The following LRIF1 variants were observed in gnomAD, a reference collection of about 807,000 sequenced individuals.
LRIF1 encodes ligand dependent nuclear receptor interacting factor 1.
In LRIF1, 32 loss-of-function variants were observed where a neutral mutation model predicts 52.7. The ratio of observed to expected loss-of-function variants is 0.61; its 90% CI spans 0.46 to 0.82. LRIF1 has a LOEUF of 0.82. LRIF1 is among the 40% of genes least tolerant of loss of function. The pLI is 0.00. For synonymous variants in LRIF1, 323 were observed against 317.4 expected (o/e 1.02, Z -0.19); for missense variants, 887 against 892.0 (o/e 0.99, Z 0.07).
At chr1:110,897,647 C>G in the LRIF1 span, 1 of 483,918 alleles carries the variant, frequency 2.1e-6, no homozygotes, top group Non-Finnish European at 3.7e-6. Flanking sequence ...TATTTCCCAC[C>G]TTATGCCTGT....
chr1:110,962,104 GTTGT>G (rs892532231), intron 1 of LRIF1, among the ~76,000 whole-genome samples: 6 of 129,794 alleles, frequency 4.6e-5, no homozygotes, highest in Admixed American at 2.3e-4. Flanking sequence ...ACAAAGTAAA[GTTGT>G]TTATCTTACT....
chr1:110,951,590 T>C lies in LRIF1; in HGVS notation c.1294A>G (p.Thr432Ala), dbSNP rs1249711372. The C allele has an allele frequency of 6.2e-7, 1 of 1,614,144 alleles. No homozygotes were observed. Among genetic ancestry groups the C allele is most frequent in the Non-Finnish European group, 8.5e-7 (1 of 1,180,018 alleles). The change falls in exon 2 of 4, where the codon ACC (threonine) becomes GCC (alanine). Residue 432 changes from threonine (T) to alanine (A), a missense_variant. Thr to Ala is a moderately conservative substitution (Grantham distance 58, BLOSUM62 0). Coordinates refer to ENST00000369763, the MANE Select transcript of LRIF1 (RefSeq NM_018372.4). ...SQMETKSLSN[T>A]QLASMANLRA... ...AGATTGGCCATGGAAGCAAGCTGGG[T>C]ATTGGAAAGTGATTTTGTCTCCATC...
chr1:110,923,157 G>GGGTGT, the LRIF1 span, among the ~76,000 whole-genome samples: 61 of 152,122 alleles, frequency 4.0e-4, no homozygotes, highest in African/African-American at 1.4e-3. Flanking sequence ...AAAATTAGCC[G>GGGTGT]GGTGTGGTGG....
At chr1:110,903,055 C>G in the LRIF1 span, among the ~76,000 whole-genome samples, 1 of 152,182 alleles carries the variant, frequency 6.6e-6, no homozygotes, top group African/African-American at 2.4e-5. Context: ...CTGGTGCCTG[C>G]CCATGGAGGG....
the LRIF1 span, among the ~76,000 whole-genome samples, chr1:110,908,786 A>G: frequency 6.6e-6 from 1 of 152,232 alleles, no homozygotes; most frequent in African/African-American, 2.4e-5. Context: ...AGAGATTGAG[A>G]GAGAGCAAGT....
chr1:110,943,231 G>A (rs1024943652), downstream of LRIF1, among the ~76,000 whole-genome samples: 3 of 152,152 alleles, frequency 2.0e-5, no homozygotes, highest in African/African-American at 4.8e-5. Context: ...AGCAGCTTTA[G>A]AATGCTCTTG....
At chr1:110,926,712 T>C in the LRIF1 span, among the ~76,000 whole-genome samples, 2 of 152,152 alleles carry the variant, frequency 1.3e-5, no homozygotes, top group Non-Finnish European at 2.9e-5. Context: ...CATTAATCTA[T>C]TGTTTCCATT....
chr1:110,925,126 T>C, the LRIF1 span, among the ~76,000 whole-genome samples: 3 of 152,206 alleles, frequency 2.0e-5, no homozygotes, highest in Non-Finnish European at 4.4e-5. Flanking sequence ...ATTCTTGATG[T>C]TTATGTGAAG....
chr1:110,963,861 C>G lies in LRIF1; in HGVS notation c.-173G>C. ...AGCGGGCTCTCGAGAGGGTGTATCC[C>G]CAGGCTTCGGGACGAGGTCGCGCAC... is the stretch of plus-strand genomic sequence containing the variant. On this transcript the variant is annotated 5_prime_UTR_variant, in exon 1 of 4. Coordinates refer to ENST00000369763, the MANE Select transcript of LRIF1 (RefSeq NM_018372.4). 2.0e-6 allele frequency: 1 copy of G among 502,548 alleles called. No individual in the cohort carries two copies. The highest frequency in any genetic ancestry group is 3.7e-6 in the Non-Finnish European group (1 of 273,926). 31.1% of individuals were successfully genotyped at this position (502,548 alleles called of 1,614,324 possible). A position where few individuals can be genotyped will look rare whatever the true frequency, so the allele number is the denominator to read the frequency against.
chr1:110,902,031 C>T, the LRIF1 span, among the ~76,000 whole-genome samples: 1 of 152,202 alleles, frequency 6.6e-6, no homozygotes, highest in African/African-American at 2.4e-5. Flanking sequence ...TCACCAAATT[C>T]ATTAATTCTC....
At chr1:110,950,187 A>C (rs774103426) in intron 2 of LRIF1, 64 bp from the exon 3 acceptor site, 1 of 1,489,904 alleles carries the variant, frequency 6.7e-7, no homozygotes, top group East Asian at 2.3e-5. Flanking sequence ...TTTATTAAGC[A>C]ACTAAGTGAT....
Position 110,952,517 on chromosome 1 carries a change from C to G in LRIF1, c.367G>C (p.Val123Leu). 1.9e-6 allele frequency: 3 copies of G among 1,613,786 alleles called. No homozygotes were observed. In the South Asian group the frequency reaches 3.3e-5, roughly 18 times the overall value. Residue 123 changes from valine to leucine, a missense_variant, in exon 2 of 4, where the codon GTG becomes CTG. Coordinates refer to ENST00000369763, the MANE Select transcript of LRIF1 (RefSeq NM_018372.4). ...DTSEKGRVTSVGTGNFSSSVS... is the reference protein window; with the variant it reads ...DTSEKGRVTSLGTGNFSSSVS... The stretch of plus-strand genomic sequence containing the variant: ...GATGAAGAAAAATTTCCAGTTCCCA[C>G]AGAAGTAACTCTACCTTTTTCTGAT...
the LRIF1 span, among the ~76,000 whole-genome samples, chr1:110,931,003 A>G: frequency 6.6e-6 from 1 of 151,420 alleles, no homozygotes; most frequent in South Asian, 2.1e-4. Context: ...TTTTTTTAAT[A>G]CTTTAAGTTC....
At chr1:110,916,820 TA>T in the LRIF1 span, among the ~76,000 whole-genome samples, 8,491 of 152,160 alleles carry the variant, frequency 0.056, 287 homozygotes, top group East Asian at 0.14. Flanking sequence ...TTTATAGAAA[TA>T]AAGAGGGTCA....
At chr1:110,962,233 T>C (rs1658989287) in intron 1 of LRIF1, among the ~76,000 whole-genome samples, 2 of 152,150 alleles carry the variant, frequency 1.3e-5, no homozygotes, top group Non-Finnish European at 2.9e-5. Context: ...ATTTAAAAAG[T>C]AATTCTACTT....
the LRIF1 span, chr1:110,891,447 G>A: frequency 2.6e-5 from 42 of 1,613,806 alleles, no homozygotes; most frequent in Non-Finnish European, 3.4e-5. Context: ...AGTATGTCCT[G>A]TTTTTCTTCA....
chr1:110,929,482 T>C, the LRIF1 span, among the ~76,000 whole-genome samples: 2 of 152,216 alleles, frequency 1.3e-5, no homozygotes, highest in Admixed American at 6.5e-5. Context: ...TGGTATCTCA[T>C]TGTGGTTTTG....
At chr1:110,943,629 A>AT (rs1366040725), downstream of LRIF1, 5 of 151,838 alleles carry the variant, frequency 3.3e-5, no homozygotes, top group African/African-American at 9.7e-5. Context: ...AGAGGCCACA[A>AT]TTTTTTCTTT....
the LRIF1 span, among the ~76,000 whole-genome samples, chr1:110,879,734 T>TA: frequency 3.9e-5 from 6 of 152,040 alleles, no homozygotes; most frequent in African/African-American, 7.2e-5. Flanking sequence ...TTTTTTAACT[T>TA]AAAAAAATTT....
Sources: allele counts gnomAD v4.1 joint callset (sites outside exome capture counted in the v4.1 genomes callset), GRCh38; gene constraint gnomAD v4.1.1; transcripts MANE v1.5; gene names NCBI Gene and HGNC (gene_info 2026-07-23, HGNC 2026-07-21).